EPHB1: variants seen among roughly 807,000 people sequenced by gnomAD.
EPHB1 encodes EPH receptor B1, also known as ephrin type-B receptor 1.
A neutral mutation model predicts 94.4 loss-of-function variants in EPHB1; 30 were observed. That is an observed-to-expected ratio of 0.32 (90% CI 0.24 to 0.43). EPHB1 has a LOEUF of 0.43. EPHB1 is among the 20% of genes least tolerant of loss of function. EPHB1 has a pLI of 1.00. For synonymous variants in EPHB1, 522 were observed against 489.1 expected (o/e 1.07, Z -0.89); for missense variants, 1,055 against 1,308.3 (o/e 0.81, Z 2.99).
rs560590300 is a variant in EPHB1 at position 135,012,402 on chromosome 3, A to T, written c.805+60350A>T. On this transcript the variant is annotated intron_variant, in intron 3 of 15. Coordinates refer to ENST00000398015, the MANE Select transcript of EPHB1 (RefSeq NM_004441.5). ...GTGGCAGTCAGTGAAGCGGCCGCTC[A>T]CTCATGGCTGGCTTGTACACACACA... Among the ~76,000 whole-genome samples the T allele has an allele frequency of 3.3e-5, 5 of 152,140 alleles. No homozygotes were observed. The South Asian group carries it at 1.0e-3, about 32-fold the overall frequency.
intron 3 of EPHB1, among the ~76,000 whole-genome samples, chr3:135,096,800 G>A (rs1938786837): frequency 6.6e-6 from 1 of 152,196 alleles, no homozygotes; most frequent in Non-Finnish European, 1.5e-5. Context: ...TCACCTCCAA[G>A]TAGTATCATA....
At chr3:135,184,594 A>T (rs1345435656) in intron 10 of EPHB1, among the ~76,000 whole-genome samples, 1 of 152,160 alleles carries the variant, frequency 6.6e-6, no homozygotes, top group African/African-American at 2.4e-5. Flanking sequence ...GAATGAAAGT[A>T]GGTCCTTGGA....
At position 134,888,834 on chromosome 3, in the gene EPHB1, G is replaced by A. The variant is rs538904375; in HGVS notation, c.59-36982G>A. 1.8e-3 allele frequency among the ~76,000 whole-genome samples: 275 copies of A among 152,290 alleles called. 2 individuals are homozygous for A. Among genetic ancestry groups the A allele is most frequent in the Non-Finnish European group, 1.4e-3 (98 of 68,028 alleles). On this transcript the variant is annotated intron_variant, in intron 1 of 15. Transcript: ENST00000398015. ...GGCACCATGTGCTGGGCACTGTTCT[G>A]GGAATGGAGGCTCAGCCATGGGCAA...
At chr3:135,118,107 C>G (rs1412968817) in intron 4 of EPHB1, among the ~76,000 whole-genome samples, 8 of 152,184 alleles carry the variant, frequency 5.3e-5, no homozygotes. Context: ...ATTGGCTCTC[C>G]CTGTAAGTGA....
chr3:135,005,828 G>A (rs1200681043), intron 3 of EPHB1, among the ~76,000 whole-genome samples: 3 of 152,242 alleles, frequency 2.0e-5, no homozygotes, highest in African/African-American at 7.2e-5. Context: ...CGCGCACGGT[G>A]CACGCACCCA....
At chr3:134,800,714 A>C (rs115739807) in intron 1 of EPHB1, among the ~76,000 whole-genome samples, 211 of 152,302 alleles carry the variant, frequency 1.4e-3, no homozygotes, top group African/African-American at 5.0e-3. Flanking sequence ...TGGCCTGGGG[A>C]TCTGCATTTT....
At chr3:134,899,870 G>C (rs1310475805) in intron 1 of EPHB1, among the ~76,000 whole-genome samples, 3 of 152,188 alleles carry the variant, frequency 2.0e-5, no homozygotes, top group African/African-American at 7.2e-5. Context: ...CTTTCCAGGT[G>C]GGGGCACAGC....
intron 12 of EPHB1, among the ~76,000 whole-genome samples, chr3:135,236,785 T>A (rs1576490273): frequency 6.6e-6 from 1 of 152,286 alleles, no homozygotes; most frequent in East Asian, 1.9e-4. Context: ...CCATTGAGAT[T>A]TTGTCTCACA....
intron 2 of EPHB1, among the ~76,000 whole-genome samples, chr3:134,947,235 TG>T (rs1334451932): frequency 1.3e-5 from 2 of 152,198 alleles, no homozygotes; most frequent in Non-Finnish European, 2.9e-5. Context: ...TTCCAAATAT[TG>T]TAAATGAAGT....
intron 3 of EPHB1, among the ~76,000 whole-genome samples, chr3:135,076,234 G>GCT (rs772302478): frequency 2.3e-5 from 3 of 131,172 alleles, no homozygotes; most frequent in Non-Finnish European, 4.5e-5. Flanking sequence ...TCTGAAAAGG[G>GCT]ATATATATAT....
At chr3:134,804,854 A>C (rs2036006694) in intron 1 of EPHB1, among the ~76,000 whole-genome samples, 1 of 152,184 alleles carries the variant, frequency 6.6e-6, no homozygotes, top group Admixed American at 6.5e-5. Context: ...ATCCCTCAGC[A>C]TCCTAGTCCC....
chr3:135,075,093 A>G (rs1045635512), intron 3 of EPHB1, among the ~76,000 whole-genome samples: 3 of 152,194 alleles, frequency 2.0e-5, no homozygotes, highest in African/African-American at 7.2e-5. Context: ...CAAAGGAGGA[A>G]AGACTAGGTG....
At chr3:135,208,672 A>G (rs977745349) in intron 12 of EPHB1, among the ~76,000 whole-genome samples, 2 of 152,224 alleles carry the variant, frequency 1.3e-5, no homozygotes, top group Admixed American at 6.5e-5. Context: ...GAACAGAGGT[A>G]TAAATATGGA....
At chr3:134,873,840 G>A (rs1578158938) in intron 1 of EPHB1, among the ~76,000 whole-genome samples, 1 of 152,200 alleles carries the variant, frequency 6.6e-6, no homozygotes, top group Non-Finnish European at 1.5e-5. Flanking sequence ...TGAACAAGAC[G>A]TGATCTCTCT....
At chr3:134,980,344 C>T (rs772180228) in intron 3 of EPHB1, among the ~76,000 whole-genome samples, 5 of 152,126 alleles carry the variant, frequency 3.3e-5, no homozygotes, top group Non-Finnish European at 7.3e-5. Context: ...AAGGAAAAAG[C>T]TTTATGGCTT....
intron 3 of EPHB1, among the ~76,000 whole-genome samples, chr3:135,011,870 A>G (rs1935631860): frequency 6.6e-6 from 1 of 152,166 alleles, no homozygotes. Flanking sequence ...TATTTTCGTG[A>G]AGATTGATTT....
chr3:134,854,206 A>G (rs1272396448), intron 1 of EPHB1, among the ~76,000 whole-genome samples: 1 of 152,170 alleles, frequency 6.6e-6, no homozygotes, highest in Non-Finnish European at 1.5e-5. Flanking sequence ...TAGGTGCTGC[A>G]TGAATATGTG....
At chr3:135,071,780 C>G (rs1937723027) in intron 3 of EPHB1, among the ~76,000 whole-genome samples, 1 of 152,198 alleles carries the variant, frequency 6.6e-6, no homozygotes, top group South Asian at 2.1e-4. Flanking sequence ...GACATCTCCC[C>G]CTGGGTGGCT....
chr3:134,877,339 C>T (rs1175275509), intron 1 of EPHB1, among the ~76,000 whole-genome samples: 1 of 152,158 alleles, frequency 6.6e-6, no homozygotes, highest in Non-Finnish European at 1.5e-5. Context: ...GGCGCTGGGC[C>T]CTTCCCTGTT....
Sources: allele counts gnomAD v4.1 joint callset (sites outside exome capture counted in the v4.1 genomes callset), GRCh38; gene constraint gnomAD v4.1.1; transcripts MANE v1.5; gene names NCBI Gene and HGNC (gene_info 2026-07-23, HGNC 2026-07-21).